The following DERA variants were observed in gnomAD, a reference collection of about 807,000 sequenced individuals.
DERA encodes deoxyribose-phosphate aldolase.
DERA carries 15 observed loss-of-function variants against 41.1 expected under a neutral mutation model. That is an observed-to-expected ratio of 0.37 (90% CI 0.24 to 0.56). DERA has a LOEUF of 0.56. Among genes scored for constraint, DERA ranks in the 20% least tolerant of loss-of-function variants. The pLI is 0.81. For synonymous variants in DERA, 139 were observed against 137.4 expected, an observed-to-expected ratio of 1.01 and a Z score of -0.08; for missense variants, 396 against 403.4, an observed-to-expected ratio of 0.98 and a Z score of 0.16.
Position 15,955,776 on chromosome 12 carries a change from T to C in DERA, c.32-1160T>C, listed in dbSNP as rs1419950091. On this transcript the variant is annotated intron_variant, in intron 1 of 8. Coordinates refer to ENST00000428559, the MANE Select transcript of DERA (RefSeq NM_015954.4). ...TGTCATCTGTAAACATTAGTTTAGATGCAAATACTTCAATTTGTATTGTTA... is the reference window on the plus strand; with the variant it reads ...TGTCATCTGTAAACATTAGTTTAGACGCAAATACTTCAATTTGTATTGTTA... 2.0e-5 allele frequency among the ~76,000 whole-genome samples: 3 copies of C among 152,226 alleles called. No individual in the cohort carries two copies. In the East Asian group the frequency reaches 5.8e-4, roughly 29 times the overall value.
Position 15,958,353 on chromosome 12 carries a change from G to T in DERA, c.277+18G>T. 6.3e-7 allele frequency: 1 copy of T among 1,584,166 alleles called. No individual in the cohort carries two copies. Among genetic ancestry groups the T allele is most frequent in the South Asian group, 1.2e-5 (1 of 84,884 alleles). Reference sequence around the variant, plus strand: ...TGATAAAGGTAATGTTGTTGTGTGTGATCTATGTGGTGTTTAGTGCTTACA... The same window carrying T: ...TGATAAAGGTAATGTTGTTGTGTGTTATCTATGTGGTGTTTAGTGCTTACA... On this transcript the variant is annotated intron_variant, in intron 3 of 8. Transcript: ENST00000428559.
rs576718597 is a variant in DERA at position 15,917,524 on chromosome 12, G to A, written c.31+6110G>A. On this transcript the variant is annotated intron_variant, in intron 1 of 8. Coordinates refer to ENST00000428559, the MANE Select transcript of DERA (RefSeq NM_015954.4). ...CTTTTAATTCTCCCAGGAATCCATT[G>A]TGCTAGGCATTATCATTCTCATTTC... 4.6e-5 allele frequency among the ~76,000 whole-genome samples: 7 copies of A among 152,238 alleles called. No individual in the cohort carries two copies. In the East Asian group the frequency reaches 1.3e-3, roughly 29 times the overall value.
chr12:16,034,825 G>A (rs1949116269), intron 7 of DERA, among the ~76,000 whole-genome samples: 1 of 152,000 alleles, frequency 6.6e-6, no homozygotes, highest in Non-Finnish European at 1.5e-5. Flanking sequence ...AAACTGAACT[G>A]TATAGGAAAT....
chr12:15,958,082 T>A, intron 2 of DERA, 106 bp from the exon 3 acceptor site: 1 of 864,020 alleles, frequency 1.2e-6, no homozygotes, highest in Non-Finnish European at 1.7e-6. Context: ...CATAAGATAT[T>A]AACACCCATA....
chr12:16,034,153 A>G (rs1949111820), intron 7 of DERA, among the ~76,000 whole-genome samples: 1 of 152,198 alleles, frequency 6.6e-6, no homozygotes, highest in Non-Finnish European at 1.5e-5. Context: ...GTCTTCAGGC[A>G]TCTGTTTGCA....
intron 6 of DERA, among the ~76,000 whole-genome samples, chr12:16,002,342 AC>A (rs60120298): frequency 0.22 from 32,813 of 151,760 alleles, 4,447 homozygotes; most frequent in East Asian, 0.38. Context: ...AACGTATATA[AC>A]CTTTAGTTAA....
intron 1 of DERA, among the ~76,000 whole-genome samples, chr12:15,950,361 T>C (rs1288765792): frequency 6.6e-6 from 1 of 152,212 alleles, no homozygotes; most frequent in African/African-American, 2.4e-5. Context: ...TAAACTGTCA[T>C]GGCACTTGTG....
At chr12:15,949,600 A>G (rs919373832) in intron 1 of DERA, among the ~76,000 whole-genome samples, 1 of 152,182 alleles carries the variant, frequency 6.6e-6, no homozygotes, top group Non-Finnish European at 1.5e-5. Flanking sequence ...CATCTGTCAC[A>G]GCTTCCCTTG....
At chr12:15,962,771 C>T (rs1365784456) in intron 4 of DERA, 42 bp from the exon 5 acceptor site, 13 of 1,485,916 alleles carry the variant, frequency 8.7e-6, no homozygotes, top group Middle Eastern at 1.9e-4. Flanking sequence ...TTCTTTCTTC[C>T]CTCCTTCCCT....
chr12:15,936,853 G>A lies in DERA; in HGVS notation c.32-20083G>A, dbSNP rs1948367903. Among the ~76,000 whole-genome samples, 1 of 125,622 alleles carries A rather than the reference G, an allele frequency of 8.0e-6. No individual in the cohort carries two copies. The highest frequency in any genetic ancestry group is 1.6e-5 in the Non-Finnish European group (1 of 61,004). The allele number at this position is 125,622 out of a possible 152,430, so 82.4% of individuals were successfully genotyped here. A position where few individuals can be genotyped will look rare whatever the true frequency, so the allele number is the denominator to read the frequency against. ...ATTTCTGCATCTTCTGTCTTGTGTT[G>A]TCTTGTCTTGTCTTGTCTTGTCTTG... On this transcript the variant is annotated intron_variant, in intron 1 of 8. Transcript: ENST00000428559. The surrounding 1 kb of genome is among the most constrained non-coding windows in gnomAD (Gnocchi z 4.6).
chr12:16,009,671 A>T lies in DERA; in HGVS notation c.638-22871A>T, dbSNP rs1294962005. Among the ~76,000 whole-genome samples the T allele has an allele frequency of 6.6e-6, 1 of 152,180 alleles. No homozygotes were observed. Among genetic ancestry groups the T allele is most frequent in the Non-Finnish European group, 1.5e-5 (1 of 68,022 alleles). On this transcript the variant is annotated intron_variant, in intron 6 of 8. Coordinates refer to ENST00000428559, the MANE Select transcript of DERA (RefSeq NM_015954.4). The surrounding 1 kb of genome is among the most constrained non-coding windows in gnomAD (Gnocchi z 5.3). ...TTCTCACTAAGGTTTTATATTTTTA[A>T]GTTATCCATGTATTCATTTTGGATT... is the stretch of plus-strand genomic sequence containing the variant.
intron 1 of DERA, among the ~76,000 whole-genome samples, chr12:15,946,520 G>T (rs1948450246): frequency 6.6e-6 from 1 of 152,042 alleles, no homozygotes; most frequent in African/African-American, 2.4e-5. Flanking sequence ...TTGCATAGAG[G>T]TGTTTATAGT....
Position 16,008,678 on chromosome 12 carries a change from T to A in DERA, c.638-23864T>A, listed in dbSNP as rs1217592136. ...TCTTGTGTAAGAAGGAACTCTGAGG[T>A]GTAGCCAGTCACCGCTGTTGGCTCA... On this transcript the variant is annotated intron_variant, in intron 6 of 8. Transcript: ENST00000428559. The surrounding 1 kb of genome is among the most constrained non-coding windows in gnomAD (Gnocchi z 4.8). Among the ~76,000 whole-genome samples, 5 of 152,128 alleles carry A rather than the reference T, an allele frequency of 3.3e-5. No homozygotes were observed. Among genetic ancestry groups the A allele is most frequent in the African/African-American group, 1.2e-4 (5 of 41,416 alleles).
chr12:16,036,435 G>A lies in DERA; in HGVS notation c.900+54G>A. 6.5e-7 allele frequency: 1 copy of A among 1,532,678 alleles called. No homozygotes were observed. The highest frequency in any genetic ancestry group is 8.8e-7 in the Non-Finnish European group (1 of 1,138,672). The allele number at this position is 1,532,678 out of a possible 1,614,324, so 94.9% of individuals were successfully genotyped here. ...AATTAACAAGTGTTTTTTGAGAAAG[G>A]AATTGAAAAGTCAAATTGAGAACTG... On this transcript the variant is annotated intron_variant, in intron 8 of 8. Coordinates refer to ENST00000428559, the MANE Select transcript of DERA (RefSeq NM_015954.4). This position sits in a 1 kb window ranked among gnomAD's most constrained non-coding sequence, Gnocchi z 4.9.
chr12:16,007,673 G>T (rs1025120646), intron 6 of DERA, among the ~76,000 whole-genome samples: 14 of 152,262 alleles, frequency 9.2e-5, no homozygotes, highest in African/African-American at 3.4e-4. Context: ...TAGGATGGGG[G>T]TTGTCTCCCC....
chr12:15,958,402 G>A (rs535601772), intron 3 of DERA, 67 bp downstream of exon 3: 19 of 1,304,318 alleles, frequency 1.5e-5, no homozygotes, highest in African/African-American at 4.5e-5. Context: ...AATCAAAGAC[G>A]ACTTAAGATA....
At chr12:15,919,074 A>T (rs1410588275) in intron 1 of DERA, among the ~76,000 whole-genome samples, 1 of 152,184 alleles carries the variant, frequency 6.6e-6, no homozygotes, top group Non-Finnish European at 1.5e-5. Flanking sequence ...TCCTTTTGTG[A>T]ATGCTAACTA....
chr12:16,035,300 CATTCTGTTAGCAGTCATCTGCTGG>C lies in DERA; in HGVS notation c.751-931_751-908del, dbSNP rs1949119867. ...TTCATTTAATGTCTCCCTTCTCTAG[CATTCTGTTAGCAGTCATCTGCTGG>C]TGCAACCAGTCATAGCCCTGAGTGA... On this transcript the variant is annotated intron_variant, in intron 7 of 8. Coordinates refer to ENST00000428559, the MANE Select transcript of DERA (RefSeq NM_015954.4). This position sits in a 1 kb window ranked among gnomAD's most constrained non-coding sequence, Gnocchi z 4.1. Among the ~76,000 whole-genome samples, 1 of 152,244 alleles carries C rather than the reference CATTCTGTTAGCAGTCATCTGCTGG, an allele frequency of 6.6e-6. No individual in the cohort carries two copies. The highest frequency in any genetic ancestry group is 2.1e-4 in the South Asian group (1 of 4,822).
At chr12:16,006,081 A>C (rs1423032986) in intron 6 of DERA, among the ~76,000 whole-genome samples, 1 of 152,232 alleles carries the variant, frequency 6.6e-6, no homozygotes, top group Non-Finnish European at 1.5e-5. Context: ...CGTTCAGCAA[A>C]TGTGTGGCCT....
Sources: allele counts gnomAD v4.1 joint callset (sites outside exome capture counted in the v4.1 genomes callset), GRCh38; gene constraint gnomAD v4.1.1; non-coding constraint Gnocchi (gnomAD v3.1); transcripts MANE v1.5; gene names NCBI Gene and HGNC (gene_info 2026-07-23, HGNC 2026-07-21).